The following RAD51B variants were observed in gnomAD, a reference collection of about 807,000 sequenced individuals.
RAD51B encodes the protein DNA repair protein RAD51 homolog 2.
RAD51B carries 38 observed loss-of-function variants against 42.2 expected under a neutral mutation model. The observed-to-expected ratio is 0.90, with a 90% CI of 0.70 to 1.18. RAD51B has a LOEUF of 1.18. Ranked by LOEUF, RAD51B falls within the 50% of genes most tolerant of loss-of-function variation. The pLI, the probability that RAD51B is intolerant of heterozygous loss-of-function variation, is 0.00. For synonymous variants in RAD51B, 154 were observed against 145.2 expected, an observed-to-expected ratio of 1.06 and a Z score of -0.43; for missense variants, 373 against 400.7, an observed-to-expected ratio of 0.93 and a Z score of 0.59.
At chr14:68,144,331 A>T (rs578117630) in intron 7 of RAD51B, among the ~76,000 whole-genome samples, 5 of 152,314 alleles carry the variant, frequency 3.3e-5, no homozygotes, top group African/African-American at 1.2e-4. Context: ...AGGGCGGCTG[A>T]GCAAAGAGGC....
chr14:68,068,343 A>G (rs1393481976), intron 7 of RAD51B, among the ~76,000 whole-genome samples: 1 of 152,146 alleles, frequency 6.6e-6, no homozygotes, highest in Non-Finnish European at 1.5e-5. Flanking sequence ...CCTATTCTTG[A>G]CATTTCATAG....
intron 11 of RAD51B, among the ~76,000 whole-genome samples, chr14:68,658,887 T>G (rs1343435184): frequency 6.6e-6 from 1 of 152,182 alleles, no homozygotes; most frequent in East Asian, 1.9e-4. Context: ...AAGAAGTTAT[T>G]AACTTGTCTA....
At chr14:68,643,181 A>G (rs1892497209) in intron 10 of RAD51B, among the ~76,000 whole-genome samples, 1 of 150,878 alleles carries the variant, frequency 6.6e-6, no homozygotes, top group Non-Finnish European at 1.5e-5. Context: ...ACACATTTGG[A>G]CACTCTGTTG....
chr14:68,376,932 G>A (rs1314854183), intron 8 of RAD51B, among the ~76,000 whole-genome samples: 1 of 152,178 alleles, frequency 6.6e-6, no homozygotes, highest in Non-Finnish European at 1.5e-5. Flanking sequence ...TATTCATAAA[G>A]CACTTGAGTT....
chr14:68,184,391 A>G (rs1035817594), intron 7 of RAD51B, among the ~76,000 whole-genome samples: 2 of 152,084 alleles, frequency 1.3e-5, no homozygotes, highest in Non-Finnish European at 2.9e-5. Flanking sequence ...GCATACCACC[A>G]TGCCTGGCTA....
intron 7 of RAD51B, among the ~76,000 whole-genome samples, chr14:68,282,738 T>C (rs2081343202): frequency 6.6e-6 from 1 of 152,216 alleles, no homozygotes; most frequent in African/African-American, 2.4e-5. Context: ...CATTTTATGC[T>C]ACAGATTCAC....
chr14:68,004,069 T>C (rs1014175928), intron 7 of RAD51B, among the ~76,000 whole-genome samples: 1 of 152,088 alleles, frequency 6.6e-6, no homozygotes, highest in African/African-American at 2.4e-5. Context: ...AAGAATATAT[T>C]GCTGTAATCC....
chr14:68,613,703 C>G (rs532105222), downstream of RAD51B, among the ~76,000 whole-genome samples: 4 of 152,186 alleles, frequency 2.6e-5, no homozygotes, highest in Admixed American at 6.5e-5. Context: ...ATCCACCCGC[C>G]TTGACCTCCC....
intron 11 of RAD51B, among the ~76,000 whole-genome samples, chr14:68,677,405 G>A (rs916057391): frequency 6.6e-5 from 10 of 152,088 alleles, no homozygotes; most frequent in Admixed American, 4.6e-4. Flanking sequence ...ATTTTCATAC[G>A]TGCTCCCTCC....
intron 7 of RAD51B, among the ~76,000 whole-genome samples, chr14:68,223,848 T>C (rs1399381729): frequency 2.6e-5 from 4 of 152,216 alleles, no homozygotes; most frequent in Non-Finnish European, 4.4e-5. Context: ...CTATTGTTTC[T>C]TTATGGTTTA....
chr14:68,209,311 T>G (rs962778002), intron 7 of RAD51B, among the ~76,000 whole-genome samples: 5 of 152,204 alleles, frequency 3.3e-5, no homozygotes, highest in African/African-American at 1.2e-4. Flanking sequence ...CTAAGTATCC[T>G]GAGGCTGACA....
chr14:68,216,034 T>C (rs752976113), intron 7 of RAD51B, among the ~76,000 whole-genome samples: 18 of 152,218 alleles, frequency 1.2e-4, no homozygotes, highest in Admixed American at 2.6e-4. Flanking sequence ...TTTACTACTT[T>C]TGGCATTTAT....
At chr14:68,547,201 T>A (rs1388289626) in intron 10 of RAD51B, among the ~76,000 whole-genome samples, 1 of 152,184 alleles carries the variant, frequency 6.6e-6, no homozygotes, top group East Asian at 1.9e-4. Flanking sequence ...TGGCTCTAAA[T>A]CTCTCAGAGG....
rs141103234 is a variant in RAD51B, at chr14:67,888,748, T to C, written c.756+1544T>C. ...GGTATTATAAGTAATGTAAAGTTGA[T>C]TTAAAGTATACCAGAGAATGTACAT... On this transcript the variant is annotated intron_variant, in intron 7 of 10. Coordinates refer to ENST00000471583, the MANE Select transcript of RAD51B (RefSeq NM_133510.4). 8.9e-3 allele frequency among the ~76,000 whole-genome samples: 1,361 copies of C among 152,286 alleles called. 22 individuals carry two copies. Among genetic ancestry groups the C allele is most frequent in the African/African-American group, 0.031 (1,282 of 41,550 alleles).
At chr14:68,052,766 G>A (rs2076414363) in intron 7 of RAD51B, among the ~76,000 whole-genome samples, 1 of 150,990 alleles carries the variant, frequency 6.6e-6, no homozygotes, top group African/African-American at 2.4e-5. Flanking sequence ...GACTATGGGT[G>A]TGTGCCACCA....
At chr14:68,436,419 G>A (rs1213733717) in intron 9 of RAD51B, among the ~76,000 whole-genome samples, 1 of 152,134 alleles carries the variant, frequency 6.6e-6, no homozygotes, top group Non-Finnish European at 1.5e-5. Flanking sequence ...TTGGGTTACT[G>A]TAGCATTATA....
chr14:68,277,501 A>G (rs913643096), intron 7 of RAD51B, among the ~76,000 whole-genome samples: 4 of 152,192 alleles, frequency 2.6e-5, no homozygotes, highest in Admixed American at 2.6e-4. Context: ...AGGCCCATTT[A>G]TATGCTGTAA....
chr14:68,471,293 C>T (rs974046078), intron 10 of RAD51B, among the ~76,000 whole-genome samples: 4 of 152,132 alleles, frequency 2.6e-5, no homozygotes, highest in African/African-American at 4.8e-5. Flanking sequence ...ACCAGCTACC[C>T]GTGGGGGTAG....
intron 4 of RAD51B, among the ~76,000 whole-genome samples, chr14:67,841,201 A>G (rs796859491): frequency 3.3e-5 from 5 of 152,214 alleles, no homozygotes; most frequent in African/African-American, 1.2e-4. Context: ...TGAGCATTTT[A>G]TATTTGATGG....
Sources: allele counts gnomAD v4.1 joint callset (sites outside exome capture counted in the v4.1 genomes callset), GRCh38; gene constraint gnomAD v4.1.1; transcripts MANE v1.5; gene names NCBI Gene and HGNC (gene_info 2026-07-23, HGNC 2026-07-21).